Variants in LHFPL3 observed in about 807,000 individuals in gnomAD.
The protein encoded by LHFPL3 is LHFPL tetraspan subfamily member 3 protein.
In LHFPL3, 5 loss-of-function variants were observed where a neutral mutation model predicts 19.3. That is an observed-to-expected ratio of 0.26 (90% CI 0.14 to 0.54). The LOEUF is 0.54. Ranked by LOEUF, LHFPL3 falls within the 20% of genes least tolerant of loss-of-function variation. The pLI is 0.94. For synonymous variants in LHFPL3, 133 were observed against 126.2 expected, an observed-to-expected ratio of 1.05 and a Z score of -0.36; for missense variants, 249 against 307.4, an observed-to-expected ratio of 0.81 and a Z score of 1.42.
chr7:104,492,320 G>T (rs992025473), intron 1 of LHFPL3, among the ~76,000 whole-genome samples: 1 of 152,170 alleles, frequency 6.6e-6, no homozygotes, highest in African/African-American at 2.4e-5. Context: ...GCACTCTAAA[G>T]CACTGGACCA....
chr7:104,405,736 A>G (rs1458902545), intron 1 of LHFPL3, among the ~76,000 whole-genome samples: 1 of 152,182 alleles, frequency 6.6e-6, no homozygotes, highest in Non-Finnish European at 1.5e-5. Flanking sequence ...TTGTAACTCT[A>G]AATTTTGTCT....
At chr7:104,549,755 CTTA>C (rs1416144719) in intron 1 of LHFPL3, among the ~76,000 whole-genome samples, 3 of 152,122 alleles carry the variant, frequency 2.0e-5, no homozygotes, top group Non-Finnish European at 4.4e-5. Flanking sequence ...TATAATTCAA[CTTA>C]TTATGTTGAG....
chr7:104,899,069 T>C (rs1005412877), intron 2 of LHFPL3, among the ~76,000 whole-genome samples: 2 of 151,940 alleles, frequency 1.3e-5, no homozygotes, highest in African/African-American at 4.8e-5. Flanking sequence ...TGCCACTGCA[T>C]TCCAGCCTTG....
chr7:104,567,561 C>G (rs1790147681), intron 1 of LHFPL3, among the ~76,000 whole-genome samples: 1 of 152,238 alleles, frequency 6.6e-6, no homozygotes, highest in South Asian at 2.1e-4. Context: ...AGGCATTCCT[C>G]TAGTCACAAG....
intron 1 of LHFPL3, among the ~76,000 whole-genome samples, chr7:104,414,783 A>G (rs1791591546): frequency 6.6e-6 from 1 of 152,218 alleles, no homozygotes; most frequent in Admixed American, 6.5e-5. Context: ...TTAACATTTC[A>G]GTTTTGAAGG....
intron 1 of LHFPL3, among the ~76,000 whole-genome samples, chr7:104,434,384 T>C (rs1484335496): frequency 3.3e-5 from 5 of 152,254 alleles, no homozygotes; most frequent in African/African-American, 1.2e-4. Context: ...ATGGAAATTG[T>C]ATGCAAAAGT....
intron 1 of LHFPL3, among the ~76,000 whole-genome samples, chr7:104,540,344 T>C (rs1794461914): frequency 6.6e-6 from 1 of 152,160 alleles, no homozygotes; most frequent in African/African-American, 2.4e-5. Context: ...AAAGCTGATT[T>C]TGCCCCCCAG....
At chr7:104,689,669 T>A (rs1184834738) in intron 1 of LHFPL3, among the ~76,000 whole-genome samples, 2 of 152,110 alleles carry the variant, frequency 1.3e-5, no homozygotes, top group African/African-American at 4.8e-5. Flanking sequence ...AACTGTGCAT[T>A]GGGAAAAGGG....
intron 2 of LHFPL3, among the ~76,000 whole-genome samples, chr7:104,841,434 T>C (rs1035527880): frequency 1.8e-3 from 3 of 1,662 alleles, no homozygotes; most frequent in African/African-American, 2.1e-3. Flanking sequence ...CTGTGGAAAA[T>C]TGAATGATCA....
intron 1 of LHFPL3, among the ~76,000 whole-genome samples, chr7:104,521,273 A>G (rs1794054351): frequency 6.6e-6 from 1 of 152,126 alleles, no homozygotes; most frequent in Non-Finnish European, 1.5e-5. Flanking sequence ...TGAGATTCTT[A>G]ATCCTGAGTT....
At chr7:104,545,030 A>G (rs1046529786) in intron 1 of LHFPL3, among the ~76,000 whole-genome samples, 2 of 152,178 alleles carry the variant, frequency 1.3e-5, no homozygotes, top group African/African-American at 4.8e-5. Flanking sequence ...TCTCGTCTTG[A>G]ATTCAAAGCT....
intron 2 of LHFPL3, among the ~76,000 whole-genome samples, chr7:104,752,090 G>A (rs897701841): frequency 6.6e-6 from 1 of 152,098 alleles, no homozygotes; most frequent in Non-Finnish European, 1.5e-5. Context: ...TTTAACCTGC[G>A]TTTGAGGTTG....
chr7:104,712,570 A>C (rs1011893774), intron 1 of LHFPL3, among the ~76,000 whole-genome samples: 1 of 152,182 alleles, frequency 6.6e-6, no homozygotes, highest in South Asian at 2.1e-4. Context: ...CATAGCACCC[A>C]CCATTACTGG....
At chr7:104,766,868 T>C (rs890847615) in intron 2 of LHFPL3, among the ~76,000 whole-genome samples, 1 of 152,232 alleles carries the variant, frequency 6.6e-6, no homozygotes. Flanking sequence ...AAGTTCAAAT[T>C]TGATGGACAC....
intron 1 of LHFPL3, among the ~76,000 whole-genome samples, chr7:104,715,259 T>C (rs10245214): frequency 0.41 from 62,516 of 152,072 alleles, 13,528 homozygotes; most frequent in East Asian, 0.7. Flanking sequence ...TGTGAATGTG[T>C]GAGTCTGATA....
chr7:104,868,788 A>C (rs1213558093), intron 2 of LHFPL3, among the ~76,000 whole-genome samples: 1 of 152,188 alleles, frequency 6.6e-6, no homozygotes, highest in Non-Finnish European at 1.5e-5. Flanking sequence ...ACCCAAAAGA[A>C]CAAAACTGGA....
intron 2 of LHFPL3, among the ~76,000 whole-genome samples, chr7:104,881,461 A>G (rs1240389399): frequency 1.3e-5 from 2 of 152,174 alleles, no homozygotes; most frequent in Non-Finnish European, 2.9e-5. Flanking sequence ...AGTAATGCAG[A>G]TGTGGTGGAA....
chr7:104,840,314 T>TC (rs1194205746), intron 2 of LHFPL3, among the ~76,000 whole-genome samples: 20 of 146,448 alleles, frequency 1.4e-4, no homozygotes, highest in Non-Finnish European at 2.5e-4. Flanking sequence ...TTTTCTTTTT[T>TC]TTTTTTTTTT....
intron 1 of LHFPL3, among the ~76,000 whole-genome samples, chr7:104,583,331 A>C (rs188804646): frequency 6.6e-6 from 1 of 152,298 alleles, no homozygotes; most frequent in African/African-American, 2.4e-5. Flanking sequence ...TAAAGACTTA[A>C]ATGTTAGACC....
Sources: gnomAD v4.1 joint callset for allele counts (sites outside exome capture counted in the v4.1 genomes callset) on GRCh38, gnomAD v4.1.1 for gene constraint, MANE v1.5 for transcripts, NCBI Gene and HGNC (gene_info 2026-07-23, HGNC 2026-07-21) for gene names.